The following MAP2K1 variants were observed in gnomAD, a reference collection of about 807,000 sequenced individuals.
MAP2K1 encodes mitogen-activated protein kinase kinase 1, also known as dual specificity mitogen-activated protein kinase kinase 1.
MAP2K1 carries 16 observed loss-of-function variants against 46.3 expected under a neutral mutation model. That is an observed-to-expected ratio of 0.35 (90% CI 0.23 to 0.52). The LOEUF (loss-of-function observed/expected upper bound fraction) is 0.52, where lower values mean the gene tolerates loss of function less well. Among genes scored for constraint, MAP2K1 ranks in the 20% least tolerant of loss-of-function variants. The pLI, the probability that MAP2K1 is intolerant of heterozygous loss-of-function variation, is 0.94. For missense variants in MAP2K1, 263 were observed against 497.1 expected, an observed-to-expected ratio of 0.53 and a Z score of 4.48; for synonymous variants, 183 against 185.6, an observed-to-expected ratio of 0.99 and a Z score of 0.11.
intron 5 of MAP2K1, among the ~76,000 whole-genome samples, chr15:66,455,438 G>A (rs1892142570): frequency 6.6e-6 from 1 of 152,150 alleles, no homozygotes; most frequent in South Asian, 2.1e-4. Flanking sequence ...TTTCTTCTTA[G>A]GAATATGTCA....
chr15:66,472,498 G>C (rs1395559120), intron 5 of MAP2K1, among the ~76,000 whole-genome samples: 1 of 152,084 alleles, frequency 6.6e-6, no homozygotes, highest in South Asian at 2.1e-4. Context: ...GTTAGGGGTC[G>C]TGTGCCCAGA....
intron 1 of MAP2K1, among the ~76,000 whole-genome samples, chr15:66,421,638 TAA>T (rs1040040727): frequency 6.6e-6 from 1 of 150,720 alleles, no homozygotes; most frequent in Admixed American, 6.6e-5. Context: ...CTGTCTCTAC[TAA>T]AAAAAATACA....
chr15:66,478,449 T>G (rs1892826282), intron 5 of MAP2K1, among the ~76,000 whole-genome samples: 1 of 131,070 alleles, frequency 7.6e-6, no homozygotes, highest in Admixed American at 7.5e-5. Flanking sequence ...CAGGTATATA[T>G]ATATACAGGT....
intron 5 of MAP2K1, among the ~76,000 whole-genome samples, chr15:66,474,177 A>T (rs1355815072): frequency 6.6e-6 from 1 of 152,130 alleles, no homozygotes; most frequent in Admixed American, 6.6e-5. Flanking sequence ...TTGGAAGGGA[A>T]GGAAGAAAAG....
intron 1 of MAP2K1, among the ~76,000 whole-genome samples, chr15:66,414,138 C>T (rs995683740): frequency 6.6e-6 from 1 of 151,942 alleles, no homozygotes; most frequent in Non-Finnish European, 1.5e-5. Context: ...CTCACCTTTT[C>T]CAAAAAATAG....
At chr15:66,469,723 C>CACAT (rs143830560) in intron 5 of MAP2K1, among the ~76,000 whole-genome samples, 2,732 of 134,502 alleles carry the variant, frequency 0.02, 115 homozygotes, top group South Asian at 0.063. Flanking sequence ...CACACACACA[C>CACAT]ATATCGGATG....
chr15:66,470,684 G>T (rs1044168350), intron 5 of MAP2K1, among the ~76,000 whole-genome samples: 1 of 152,158 alleles, frequency 6.6e-6, no homozygotes, highest in Non-Finnish European at 1.5e-5. Context: ...GCTCAAGCTG[G>T]TACCAGCCAC....
At chr15:66,428,014 C>CA (rs1330808500) in intron 1 of MAP2K1, among the ~76,000 whole-genome samples, 2 of 151,476 alleles carry the variant, frequency 1.3e-5, no homozygotes, top group African/African-American at 4.9e-5. Flanking sequence ...ACTCTGTCTC[C>CA]AAAAAAAAGA....
At chr15:66,478,210 T>G (rs1892805702) in intron 5 of MAP2K1, among the ~76,000 whole-genome samples, 1 of 150,334 alleles carries the variant, frequency 6.7e-6, no homozygotes, top group Non-Finnish European at 1.5e-5. Context: ...CAGTACCCCC[T>G]TACTCTCTCT....
intron 1 of MAP2K1, among the ~76,000 whole-genome samples, chr15:66,426,142 C>T (rs370969007): frequency 1.4e-4 from 21 of 145,536 alleles, no homozygotes; most frequent in Non-Finnish European, 2.4e-4. Context: ...AGTGTTTTTT[C>T]TTTTTTTTTT....
chr15:66,389,068 G>T (rs992557732), intron 1 of MAP2K1, among the ~76,000 whole-genome samples: 1 of 151,564 alleles, frequency 6.6e-6, no homozygotes. Context: ...CACCATGCCC[G>T]GCTAATTTTG....
intron 5 of MAP2K1, among the ~76,000 whole-genome samples, chr15:66,473,089 G>C (rs1892678345): frequency 6.6e-6 from 1 of 152,194 alleles, no homozygotes; most frequent in African/African-American, 2.4e-5. Flanking sequence ...GCCTGTAGGT[G>C]GTTGATTGGG....
chr15:66,416,664 T>C (rs1303833770), intron 1 of MAP2K1, among the ~76,000 whole-genome samples: 1 of 152,218 alleles, frequency 6.6e-6, no homozygotes, highest in Non-Finnish European at 1.5e-5. Flanking sequence ...GCTCTGTTCT[T>C]GAACTAGCTT....
chr15:66,398,768 ATTTTT>A (rs35657608), intron 1 of MAP2K1, among the ~76,000 whole-genome samples: 1 of 106,372 alleles, frequency 9.4e-6, no homozygotes, highest in Non-Finnish European at 2.0e-5. Flanking sequence ...AGTATTGCTA[ATTTTT>A]TTTTTTTCTT....
chr15:66,471,369 G>C (rs1476673212), intron 5 of MAP2K1, among the ~76,000 whole-genome samples: 1 of 152,150 alleles, frequency 6.6e-6, no homozygotes, highest in African/African-American at 2.4e-5. Context: ...TGAGTACTTA[G>C]TACCTGCCAG....
intron 1 of MAP2K1, among the ~76,000 whole-genome samples, chr15:66,419,660 A>G (rs2093432897): frequency 6.6e-6 from 1 of 152,156 alleles, no homozygotes; most frequent in Admixed American, 6.6e-5. Flanking sequence ...ATATTTGAGG[A>G]AAGTCTTTGT....
chr15:66,436,549 G>A (rs2093488531), intron 2 of MAP2K1, among the ~76,000 whole-genome samples, 197 bp from the exon 3 acceptor site: 1 of 152,162 alleles, frequency 6.6e-6, no homozygotes, highest in African/African-American at 2.4e-5. Context: ...AGGCACAGCT[G>A]GAACAGCCTC....
chr15:66,405,814 CATTCT>C (rs1382826740), intron 1 of MAP2K1, among the ~76,000 whole-genome samples: 4 of 152,182 alleles, frequency 2.6e-5, no homozygotes, highest in African/African-American at 9.7e-5. Context: ...AAAGGAATTC[CATTCT>C]TAATGTATGA....
At chr15:66,394,582 A>G (rs1034045929) in intron 1 of MAP2K1, among the ~76,000 whole-genome samples, 3 of 151,538 alleles carry the variant, frequency 2.0e-5, no homozygotes, top group African/African-American at 7.3e-5. Flanking sequence ...CAGCCTCCTA[A>G]GTAGCTAGTA....
Sources: gnomAD v4.1 joint callset for allele counts (sites outside exome capture counted in the v4.1 genomes callset) on GRCh38, gnomAD v4.1.1 for gene constraint, MANE v1.5 for transcripts, NCBI Gene and HGNC (gene_info 2026-07-23, HGNC 2026-07-21) for gene names.